The following KIF16B variants were observed in gnomAD, a reference collection of about 807,000 sequenced individuals.
KIF16B encodes the protein kinesin-like protein KIF16B.
Under a neutral mutation model 156.3 loss-of-function variants are expected in KIF16B, and 98 were observed. The ratio of observed to expected loss-of-function variants is 0.63; its 90% CI spans 0.53 to 0.74. The LOEUF (loss-of-function observed/expected upper bound fraction) is 0.74, where lower values mean the gene tolerates loss of function less well. KIF16B is among the 30% of genes least tolerant of loss of function. KIF16B has a pLI of 0.00. For missense variants in KIF16B, 1,421 were observed against 1,606.5 expected, an observed-to-expected ratio of 0.88 and a Z score of 1.97; for synonymous variants, 564 against 583.7, an observed-to-expected ratio of 0.97 and a Z score of 0.49.
chr20:16,311,633 G>A (rs150736353), intron 25 of KIF16B, among the ~76,000 whole-genome samples: 6 of 152,344 alleles, frequency 3.9e-5, no homozygotes, highest in Non-Finnish European at 7.3e-5. Context: ...TGGCAAGAGA[G>A]TGGCCAAGAA....
intron 12 of KIF16B, among the ~76,000 whole-genome samples, chr20:16,449,360 A>G (rs2146589689): frequency 6.6e-6 from 1 of 152,224 alleles, no homozygotes; most frequent in Non-Finnish European, 1.5e-5. Flanking sequence ...TGTTACGCCA[A>G]TGAAAGAATG....
chr20:16,483,732 G>C (rs1195936776), intron 12 of KIF16B, among the ~76,000 whole-genome samples: 1 of 152,012 alleles, frequency 6.6e-6, no homozygotes, highest in African/African-American at 2.4e-5. Context: ...ATAAATTATT[G>C]ATCCAGAGTA....
intron 25 of KIF16B, among the ~76,000 whole-genome samples, chr20:16,307,636 T>C (rs1173819322): frequency 1.3e-5 from 2 of 152,212 alleles, no homozygotes; most frequent in Non-Finnish European, 2.9e-5. Context: ...ATTTAACTAA[T>C]TTTATGTCTG....
chr20:16,468,655 G>A (rs1412664026), intron 12 of KIF16B, among the ~76,000 whole-genome samples: 2 of 149,464 alleles, frequency 1.3e-5, no homozygotes, highest in African/African-American at 4.9e-5. Context: ...ACATTAATGT[G>A]TATGGCATAA....
intron 23 of KIF16B, among the ~76,000 whole-genome samples, chr20:16,349,845 T>TAGTGTCTA (rs1461090268): frequency 2.0e-5 from 3 of 152,226 alleles, no homozygotes; most frequent in Non-Finnish European, 4.4e-5. Flanking sequence ...TGAGATCTCT[T>TAGTGTCTA]GGCCCTAAGT....
At chr20:16,273,472 C>T in intron 25 of KIF16B, 61 bp from the exon 26 acceptor site, 2 of 1,468,358 alleles carry the variant, frequency 1.4e-6, no homozygotes, top group Non-Finnish European at 1.9e-6. Context: ...GGTGGGATCG[C>T]TTGAGCTCAG....
At chr20:16,305,166 C>G (rs188331286) in intron 25 of KIF16B, among the ~76,000 whole-genome samples, 2 of 152,064 alleles carry the variant, frequency 1.3e-5, no homozygotes, top group African/African-American at 4.8e-5. Flanking sequence ...AGTTAGGAAC[C>G]GGCCTGGCAT....
intron 12 of KIF16B, among the ~76,000 whole-genome samples, chr20:16,473,746 T>C (rs988666486): frequency 2.6e-5 from 4 of 152,332 alleles, no homozygotes; most frequent in African/African-American, 9.6e-5. Flanking sequence ...TTTGAATTCA[T>C]TCTGTGTCAT....
At chr20:16,567,558 G>A (rs540259400) in intron 1 of KIF16B, among the ~76,000 whole-genome samples, 1 of 152,298 alleles carries the variant, frequency 6.6e-6, no homozygotes, top group African/African-American at 2.4e-5. Context: ...GGGAACCGAA[G>A]CAGCTGGCTC....
chr20:16,359,212 C>G (rs1280069043), intron 22 of KIF16B, among the ~76,000 whole-genome samples: 1 of 152,100 alleles, frequency 6.6e-6, no homozygotes, highest in Non-Finnish European at 1.5e-5. Context: ...TTGTAATAAT[C>G]TTGGTGTTGG....
chr20:16,473,146 C>A (rs1210927284), intron 12 of KIF16B, among the ~76,000 whole-genome samples: 1 of 152,150 alleles, frequency 6.6e-6, no homozygotes, highest in Non-Finnish European at 1.5e-5. Flanking sequence ...ACCAAAACCG[C>A]AAAAGAGCAT....
intron 1 of KIF16B, among the ~76,000 whole-genome samples, chr20:16,529,142 A>C (rs1348815797): frequency 6.6e-6 from 1 of 152,154 alleles, no homozygotes; most frequent in Non-Finnish European, 1.5e-5. Context: ...ATATTTAAAC[A>C]CTTTTTTAAA....
intron 1 of KIF16B, among the ~76,000 whole-genome samples, chr20:16,557,774 T>C (rs1001368002): frequency 6.6e-6 from 1 of 152,146 alleles, no homozygotes; most frequent in Non-Finnish European, 1.5e-5. Context: ...ATGGTTTCCT[T>C]GTTTGGTTGT....
intron 15 of KIF16B, 74 bp from the exon 16 acceptor site, chr20:16,406,530 T>C: frequency 8.3e-7 from 1 of 1,211,972 alleles, no homozygotes; most frequent in Non-Finnish European, 1.2e-6. Context: ...AACATGGAAT[T>C]CTACTGTTGA....
At chr20:16,428,841 A>G in intron 14 of KIF16B, 112 bp downstream of exon 14, 1 of 896,666 alleles carries the variant, frequency 1.1e-6, no homozygotes, top group East Asian at 2.6e-5. Context: ...ACTGTACTTG[A>G]AAAATAATTT....
chr20:16,321,166 A>T (rs1202047565), intron 24 of KIF16B, among the ~76,000 whole-genome samples: 1 of 152,148 alleles, frequency 6.6e-6, no homozygotes, highest in Non-Finnish European at 1.5e-5. Flanking sequence ...TACTTAAAAT[A>T]ATGTTCATTA....
chr20:16,311,110 C>T (rs927988019), intron 25 of KIF16B, among the ~76,000 whole-genome samples: 3 of 152,236 alleles, frequency 2.0e-5, no homozygotes, highest in Non-Finnish European at 4.4e-5. Flanking sequence ...TTTTATACAG[C>T]ACTTCACAAT....
intron 25 of KIF16B, among the ~76,000 whole-genome samples, chr20:16,274,786 A>G (rs921410492): frequency 2.0e-4 from 30 of 152,214 alleles, no homozygotes; most frequent in African/African-American, 7.0e-4. Context: ...GGGATGCCAA[A>G]GCACAGGACA....
At chr20:16,432,770 A>G (rs537387453) in intron 12 of KIF16B, among the ~76,000 whole-genome samples, 1 of 152,342 alleles carries the variant, frequency 6.6e-6, no homozygotes, top group South Asian at 2.1e-4. Flanking sequence ...TTAAAAAAAT[A>G]AAAATAAAAA....
Sources: gnomAD v4.1 joint callset for allele counts (sites outside exome capture counted in the v4.1 genomes callset) on GRCh38, gnomAD v4.1.1 for gene constraint, MANE v1.5 for transcripts, NCBI Gene and HGNC (gene_info 2026-07-23, HGNC 2026-07-21) for gene names.